Variants in CDH18 observed in about 807,000 individuals in gnomAD.
The protein encoded by CDH18 is cadherin 18.
Under a neutral mutation model 67.9 loss-of-function variants are expected in CDH18, and 31 were observed. That is an observed-to-expected ratio of 0.46 (90% CI 0.34 to 0.62). The LOEUF (loss-of-function observed/expected upper bound fraction) is 0.62. CDH18 is among the 20% of genes least tolerant of loss of function. The probability of loss-of-function intolerance (pLI) is 0.01; values close to 1 mark genes in which losing one functional copy is unlikely to be tolerated. For synonymous variants in CDH18, 362 were observed against 347.2 expected (o/e 1.04, Z -0.48); for missense variants, 890 against 975.5 (o/e 0.91, Z 1.17).
chr5:19,973,361 GTGGT>G (rs1798206255), intron 2 of CDH18, among the ~76,000 whole-genome samples: 1 of 152,066 alleles, frequency 6.6e-6, no homozygotes, highest in Non-Finnish European at 1.5e-5. Context: ...TGTAAGAGTG[GTGGT>G]TACCTGTGTA....
chr5:19,574,153 G>A (rs1741911221), intron 7 of CDH18, among the ~76,000 whole-genome samples: 1 of 152,184 alleles, frequency 6.6e-6, no homozygotes, highest in Non-Finnish European at 1.5e-5. Flanking sequence ...CTGCATCCAA[G>A]ATGACACACA....
chr5:20,354,818 G>A (rs1034810810), intron 1 of CDH18, among the ~76,000 whole-genome samples: 16 of 152,074 alleles, frequency 1.1e-4, no homozygotes, highest in African/African-American at 3.9e-4. Context: ...GATCTGAGTT[G>A]GTAACCATGA....
At chr5:19,880,732 A>C (rs955330547) in intron 2 of CDH18, among the ~76,000 whole-genome samples, 17 of 152,194 alleles carry the variant, frequency 1.1e-4, no homozygotes, top group Non-Finnish European at 5.9e-5. Context: ...CAAAGCATGA[A>C]GGCATTTTTT....
chr5:19,596,504 G>A (rs954769533), intron 6 of CDH18, among the ~76,000 whole-genome samples: 1 of 152,154 alleles, frequency 6.6e-6, no homozygotes, highest in Non-Finnish European at 1.5e-5. Context: ...AACCTGTCAA[G>A]TAGTTAATAC....
At position 19,944,606 on chromosome 5, in the gene CDH18, T is replaced by C. The variant is rs187916113; in HGVS notation, c.-257+36454A>G. ...TCTGTCCTCTGCCTATTGCACTCAA[T>C]ATCATTGTTGAAAATGAGCTACCTG... On this transcript the variant is annotated intron_variant, in intron 2 of 12. Transcript: ENST00000382275. Among the ~76,000 whole-genome samples, 5 of 152,290 alleles carry C rather than the reference T, an allele frequency of 3.3e-5. No individual in the cohort carries two copies. In the East Asian group the frequency reaches 7.7e-4, roughly 24 times the overall value.
intron 1 of CDH18, among the ~76,000 whole-genome samples, chr5:20,340,634 G>T (rs1234056934): frequency 6.6e-6 from 1 of 152,054 alleles, no homozygotes; most frequent in South Asian, 2.1e-4. Flanking sequence ...ATGGGTCATG[G>T]GCTCAACTCC....
intron 2 of CDH18, among the ~76,000 whole-genome samples, chr5:20,147,234 A>G (rs1268308031): frequency 3.9e-5 from 6 of 152,122 alleles, no homozygotes; most frequent in Non-Finnish European, 8.8e-5. Context: ...TCAAAAGAAG[A>G]ATACTTAGGG....
chr5:19,565,623 T>TA, intron 8 of CDH18, among the ~76,000 whole-genome samples: 1 of 152,282 alleles, frequency 6.6e-6, no homozygotes, highest in East Asian at 1.9e-4. Context: ...CTGCAATAAC[T>TA]ACAATAAATG....
intron 2 of CDH18, among the ~76,000 whole-genome samples, chr5:19,957,551 C>T (rs1796372608): frequency 6.6e-6 from 1 of 151,508 alleles, no homozygotes; most frequent in Admixed American, 6.6e-5. Context: ...CAAAATGTTT[C>T]TATTTAGAAA....
chr5:20,507,070 C>T (rs1754706979), intron 1 of CDH18, among the ~76,000 whole-genome samples: 1 of 152,208 alleles, frequency 6.6e-6, no homozygotes, highest in Non-Finnish European at 1.5e-5. Flanking sequence ...CCTACAACAG[C>T]TCTAGCTGAG....
chr5:20,381,983 G>T (rs1031674460), intron 1 of CDH18, among the ~76,000 whole-genome samples: 1 of 151,906 alleles, frequency 6.6e-6, no homozygotes, highest in African/African-American at 2.4e-5. Flanking sequence ...AATTTAAAAA[G>T]TTATTACATT....
intron 10 of CDH18, among the ~76,000 whole-genome samples, chr5:19,517,366 T>A (rs1746192022): frequency 6.8e-6 from 1 of 147,192 alleles, no homozygotes; most frequent in South Asian, 2.2e-4. Flanking sequence ...TATAGTACTA[T>A]AAGTAGAAAG....
chr5:19,678,992 T>C (rs1759883780), intron 5 of CDH18, among the ~76,000 whole-genome samples: 1 of 151,502 alleles, frequency 6.6e-6, no homozygotes, highest in Non-Finnish European at 1.5e-5. Flanking sequence ...AGAGACACAA[T>C]GGAAAAAGAA....
chr5:20,207,336 A>G (rs1739977582), intron 2 of CDH18, among the ~76,000 whole-genome samples: 1 of 152,198 alleles, frequency 6.6e-6, no homozygotes, highest in Non-Finnish European at 1.5e-5. Flanking sequence ...AATTGAAAAG[A>G]ACATTAAAAA....
intron 1 of CDH18, among the ~76,000 whole-genome samples, chr5:20,289,862 G>A (rs1746975370): frequency 6.6e-6 from 1 of 151,980 alleles, no homozygotes; most frequent in Non-Finnish European, 1.5e-5. Flanking sequence ...AAAGAACAAG[G>A]CAAAGAGAAT....
intron 8 of CDH18, among the ~76,000 whole-genome samples, chr5:19,549,612 T>G (rs951223419): frequency 4.8e-5 from 3 of 61,862 alleles, no homozygotes; most frequent in East Asian, 3.9e-4. Flanking sequence ...AAGAAGAAAA[T>G]AAAGAAAGAA....
At chr5:20,529,317 G>C (rs758228500) in intron 1 of CDH18, among the ~76,000 whole-genome samples, 5 of 150,964 alleles carry the variant, frequency 3.3e-5, no homozygotes, top group South Asian at 2.1e-4. Flanking sequence ...AATTCTACCA[G>C]AGATACAAAG....
intron 1 of CDH18, among the ~76,000 whole-genome samples, chr5:20,484,626 A>C (rs1472335320): frequency 1.3e-5 from 2 of 152,088 alleles, no homozygotes; most frequent in African/African-American, 4.8e-5. Context: ...CCTGTCATTT[A>C]CAACAACATG....
At chr5:19,811,104 A>G (rs1270216385) in intron 3 of CDH18, among the ~76,000 whole-genome samples, 2 of 78,626 alleles carry the variant, frequency 2.5e-5, no homozygotes, top group Non-Finnish European at 5.2e-5. Context: ...GAAAGAAAGA[A>G]AGAAAGAAAG....
Sources: allele counts gnomAD v4.1 joint callset (sites outside exome capture counted in the v4.1 genomes callset), GRCh38; gene constraint gnomAD v4.1.1; transcripts MANE v1.5; gene names NCBI Gene and HGNC (gene_info 2026-07-23, HGNC 2026-07-21).